The following SYNDIG1L variants were observed in gnomAD, a reference collection of about 807,000 sequenced individuals.
The protein encoded by SYNDIG1L is synapse differentiation inducing 1 like.
In SYNDIG1L, 13 loss-of-function variants were observed where a neutral mutation model predicts 20.1. That is an observed-to-expected ratio of 0.65 (90% confidence interval 0.42 to 1.03). SYNDIG1L has a LOEUF of 1.03. Ranked by LOEUF, SYNDIG1L falls within the 50% of genes least tolerant of loss-of-function variation. SYNDIG1L has a pLI of 0.00. For missense variants in SYNDIG1L, 294 were observed against 305.1 expected, an observed-to-expected ratio of 0.96 and a Z score of 0.27; for synonymous variants, 128 against 129.3, an observed-to-expected ratio of 0.99 and a Z score of 0.07.
At chr14:74,419,053 C>CT (rs2086200350) in intron 1 of SYNDIG1L, among the ~76,000 whole-genome samples, 1 of 152,216 alleles carries the variant, frequency 6.6e-6, no homozygotes, top group Non-Finnish European at 1.5e-5. Context: ...GCCATTCCCC[C>CT]TTTCGGCTCA....
chr14:74,455,766 T>A, the SYNDIG1L span, among the ~76,000 whole-genome samples: 2 of 152,098 alleles, frequency 1.3e-5, no homozygotes, highest in African/African-American at 2.4e-5. Context: ...TGCTCACTCT[T>A]CAGCCTCCCA....
chr14:74,441,685 C>A, the SYNDIG1L span, among the ~76,000 whole-genome samples: 1 of 151,664 alleles, frequency 6.6e-6, no homozygotes, highest in Non-Finnish European at 1.5e-5. Flanking sequence ...ACTTTTTAAA[C>A]TTTTTTTTGT....
chr14:74,426,143 G>C lies in SYNDIG1L; in HGVS notation c.-289C>G, dbSNP rs900791214. 2 of 148,094 alleles carry C rather than the reference G, an allele frequency of 1.4e-5. No individual in the cohort carries two copies. Among genetic ancestry groups the C allele is most frequent in the Non-Finnish European group, 3.0e-5 (2 of 66,424 alleles). The allele number at this position is 148,094 out of a possible 1,614,324, so 9.2% of individuals were successfully genotyped here. ...CGCGGTCCCGGGAGCCCCGCATCCTGGCCGGGCCCCGCCGCCGCCGCCGCC... is the reference window on the plus strand; with the variant it reads ...CGCGGTCCCGGGAGCCCCGCATCCTCGCCGGGCCCCGCCGCCGCCGCCGCC... On this transcript the variant is annotated 5_prime_UTR_variant, in exon 1 of 4. Coordinates refer to ENST00000331628, the MANE Select transcript of SYNDIG1L (RefSeq NM_001105579.2).
the SYNDIG1L span, among the ~76,000 whole-genome samples, chr14:74,459,756 C>T: frequency 6.6e-6 from 1 of 152,184 alleles, no homozygotes; most frequent in African/African-American, 2.4e-5. Context: ...CACCAGCCAC[C>T]AGAGGCCACT....
intron 1 of SYNDIG1L, among the ~76,000 whole-genome samples, chr14:74,421,745 A>C (rs966012747): frequency 6.6e-6 from 1 of 152,186 alleles, no homozygotes; most frequent in African/African-American, 2.4e-5. Context: ...ACCTTTGGAG[A>C]GAGAGAAGAG....
the SYNDIG1L span, among the ~76,000 whole-genome samples, chr14:74,469,862 G>T: frequency 6.6e-6 from 1 of 152,114 alleles, no homozygotes; most frequent in South Asian, 2.1e-4. Flanking sequence ...ATTGTTCTGG[G>T]TGGAAAATGA....
chr14:74,462,441 G>A, the SYNDIG1L span, among the ~76,000 whole-genome samples: 7 of 150,608 alleles, frequency 4.6e-5, no homozygotes, highest in East Asian at 8.0e-4. Context: ...CTGTGATCAC[G>A]CCACTGCACT....
the SYNDIG1L span, among the ~76,000 whole-genome samples, chr14:74,454,685 T>C: frequency 3.3e-5 from 5 of 152,240 alleles, no homozygotes; most frequent in Non-Finnish European, 7.3e-5. Flanking sequence ...CACTCCCTTG[T>C]ACCTACTCCT....
chr14:74,435,427 G>A, the SYNDIG1L span, among the ~76,000 whole-genome samples: 5 of 152,232 alleles, frequency 3.3e-5, no homozygotes, highest in East Asian at 3.9e-4. Flanking sequence ...ATCTTCTGTA[G>A]AATTCAACCA....
the SYNDIG1L span, among the ~76,000 whole-genome samples, chr14:74,437,682 C>G: frequency 6.6e-6 from 1 of 152,216 alleles, no homozygotes. Flanking sequence ...TCTGCCTGGA[C>G]CACATCAACT....
At chr14:74,441,619 C>T in the SYNDIG1L span, among the ~76,000 whole-genome samples, 7 of 152,152 alleles carry the variant, frequency 4.6e-5, no homozygotes, top group Non-Finnish European at 7.3e-5. Context: ...GATCCTCCCA[C>T]CTCAGGCTCC....
At chr14:74,439,705 C>A in the SYNDIG1L span, among the ~76,000 whole-genome samples, 1 of 151,714 alleles carries the variant, frequency 6.6e-6, no homozygotes, top group Non-Finnish European at 1.5e-5. Flanking sequence ...ATTGGAGAAA[C>A]CCCGTCTCTA....
chr14:74,415,971 G>A (rs2086171255), intron 1 of SYNDIG1L, among the ~76,000 whole-genome samples: 1 of 152,074 alleles, frequency 6.6e-6, no homozygotes, highest in South Asian at 2.1e-4. Flanking sequence ...CCCAAAAAAA[G>A]ACAAAGATAG....
At chr14:74,442,415 C>G in the SYNDIG1L span, among the ~76,000 whole-genome samples, 1 of 151,940 alleles carries the variant, frequency 6.6e-6, no homozygotes, top group Non-Finnish European at 1.5e-5. Flanking sequence ...GGATAGCTAA[C>G]TAGATAAAAG....
At chr14:74,475,256 T>G in the SYNDIG1L span, among the ~76,000 whole-genome samples, 1 of 151,534 alleles carries the variant, frequency 6.6e-6, no homozygotes, top group African/African-American at 2.4e-5. Context: ...AGCTACTTAT[T>G]ATGCGTCAGG....
the SYNDIG1L span, among the ~76,000 whole-genome samples, chr14:74,432,001 C>T: frequency 1.3e-5 from 2 of 152,056 alleles, no homozygotes; most frequent in East Asian, 3.9e-4. Context: ...CTGGGAGCAC[C>T]ACCCTGGGGG....
the SYNDIG1L span, among the ~76,000 whole-genome samples, chr14:74,442,862 G>T: frequency 2.0e-5 from 3 of 152,258 alleles, no homozygotes; most frequent in South Asian, 6.2e-4. Flanking sequence ...AATGATGCCT[G>T]GGTTTCTGAT....
chr14:74,470,954 T>C, the SYNDIG1L span, among the ~76,000 whole-genome samples: 3 of 152,198 alleles, frequency 2.0e-5, no homozygotes, highest in Admixed American at 2.0e-4. Context: ...AGCAAGTATT[T>C]GTTGTGCATG....
At chr14:74,448,024 C>G in the SYNDIG1L span, among the ~76,000 whole-genome samples, 3 of 151,838 alleles carry the variant, frequency 2.0e-5, no homozygotes, top group South Asian at 6.2e-4. Context: ...AACTAATAAG[C>G]CAACAAGGAG....
Sources: allele counts gnomAD v4.1 joint callset (sites outside exome capture counted in the v4.1 genomes callset), GRCh38; gene constraint gnomAD v4.1.1; transcripts MANE v1.5; gene names NCBI Gene and HGNC (gene_info 2026-07-23, HGNC 2026-07-21).